Variants in PLXNA4 observed in about 807,000 individuals in gnomAD.
The protein encoded by PLXNA4 is plexin-A4.
A neutral mutation model predicts 191.8 loss-of-function variants in PLXNA4; 44 were observed. The ratio of observed to expected loss-of-function variants is 0.23; its 90% CI spans 0.18 to 0.29. The LOEUF is 0.29. PLXNA4 is among the 10% of genes least tolerant of loss of function. The pLI is 1.00. For synonymous variants in PLXNA4, 1,082 were observed against 1,009.5 expected (o/e 1.07, Z -1.36); for missense variants, 1,800 against 2,488.8 (o/e 0.72, Z 5.89).
intron 2 of PLXNA4, among the ~76,000 whole-genome samples, chr7:132,639,645 G>A (rs1214236693): frequency 2.6e-5 from 4 of 152,160 alleles, no homozygotes; most frequent in Admixed American, 6.5e-5. Flanking sequence ...GTTCCCCAGC[G>A]TGGGTGGAAC....
At chr7:132,367,676 A>G (rs1030654625) in intron 3 of PLXNA4, 1 of 152,296 alleles carries the variant, frequency 6.6e-6, no homozygotes, top group Non-Finnish European at 1.5e-5. Context: ...GTCCAGAGGA[A>G]GGACACATCG....
intron 4 of PLXNA4, among the ~76,000 whole-genome samples, chr7:132,275,909 A>G (rs1584934109): frequency 1.3e-5 from 2 of 152,038 alleles, no homozygotes; most frequent in African/African-American, 4.8e-5. Flanking sequence ...AGTCTTTTCC[A>G]TTGCTGTTCC....
In PLXNA4 at chr7:132,165,185, A is replaced by G; in HGVS notation, c.4302T>C (p.Ala1434=). 1 of 1,613,510 alleles carries G rather than the reference A, an allele frequency of 6.2e-7. No homozygotes were observed. The highest frequency in any genetic ancestry group is 2.2e-5 in the East Asian group (1 of 44,864). ...KLLLRRTESV[A]EKMLTNWFTF... ...TAAACCAATTGGTCAGCATCTTCTCAGCCACTGACTCAGTCCTGTCAGCAG... is the reference window on the plus strand; with the variant it reads ...TAAACCAATTGGTCAGCATCTTCTCGGCCACTGACTCAGTCCTGTCAGCAG... The change falls in exon 23 of 32, where the codon GCT becomes GCC. Residue 1434 remains alanine, a synonymous_variant. Coordinates refer to ENST00000321063, the MANE Select transcript of PLXNA4 (RefSeq NM_020911.2).
chr7:132,162,133 C>T (rs7809249), intron 24 of PLXNA4, among the ~76,000 whole-genome samples: 5,197 of 152,324 alleles, frequency 0.034, 283 homozygotes, highest in African/African-American at 0.12. Flanking sequence ...CAGCCACCGC[C>T]GAGTTCCAGG....
intron 2 of PLXNA4, among the ~76,000 whole-genome samples, chr7:132,623,993 A>C (rs1803322864): frequency 6.6e-6 from 1 of 152,260 alleles, no homozygotes; most frequent in African/African-American, 2.4e-5. Flanking sequence ...TGCCATCACT[A>C]ATAGTCACAG....
At chr7:132,305,007 T>G (rs1358226085) in intron 3 of PLXNA4, among the ~76,000 whole-genome samples, 1 of 152,158 alleles carries the variant, frequency 6.6e-6, no homozygotes, top group Non-Finnish European at 1.5e-5. Flanking sequence ...CTTCCCACAC[T>G]CTGGGCAAAC....
At chr7:132,285,759 G>A (rs1357893182) in intron 4 of PLXNA4, among the ~76,000 whole-genome samples, 3 of 152,152 alleles carry the variant, frequency 2.0e-5, no homozygotes, top group Non-Finnish European at 2.9e-5. Flanking sequence ...AACATTTCTG[G>A]TCTGTTTTCC....
intron 2 of PLXNA4, among the ~76,000 whole-genome samples, chr7:132,618,497 A>G (rs1226986152): frequency 6.6e-6 from 1 of 152,220 alleles, no homozygotes; most frequent in African/African-American, 2.4e-5. Flanking sequence ...TGATTATGTG[A>G]AAAGATAATT....
chr7:132,397,782 T>C (rs1438097017), intron 3 of PLXNA4, among the ~76,000 whole-genome samples: 1 of 152,250 alleles, frequency 6.6e-6, no homozygotes, highest in African/African-American at 2.4e-5. Context: ...TGTTTTAATA[T>C]GTATTTCAGG....
In PLXNA4 at chr7:132,485,026, A is replaced by G. The variant is rs942487959; in HGVS notation, c.1371+4266T>C. 6 of 1,609,114 alleles carry G rather than the reference A, an allele frequency of 3.7e-6. No individual in the cohort carries two copies. The Admixed American group carries it at 6.8e-5, about 18-fold the overall frequency. ...CTGTGCCGAAGGACTAGGGAACAAA[A>G]GCAAATTAATTTTAAAACAGGCTTG... On this transcript the variant is annotated intron_variant, in intron 3 of 31. Transcript: ENST00000321063.
rs1486871141 is a variant in PLXNA4 at position 132,241,163 on chromosome 7, T to C, written c.1507A>G (p.Thr503Ala). ...QLYIMSERQLTRVPVESCGQY... is the reference protein window; with the variant it reads ...QLYIMSERQLARVPVESCGQY... ...CCACAGGACTCCACAGGGACTCTGG[T>C]GAGCTAGGACAGCAGGATAGGGAGA... The change falls in exon 5 of 32, where the codon ACC (threonine) becomes GCC (alanine). Residue 503 changes from threonine to alanine, a missense_variant. Physicochemically the swap from Thr to Ala is moderately conservative, Grantham distance 58. This residue lies in a region of PLXNA4 where 1,397 missense variants were observed against 1,880.4 expected (regional missense o/e 0.74). Coordinates refer to ENST00000321063, the MANE Select transcript of PLXNA4 (RefSeq NM_020911.2). The C allele has an allele frequency of 1.2e-6, 2 of 1,611,278 alleles. No individual in the cohort carries two copies. Among genetic ancestry groups the C allele is most frequent in the South Asian group, 1.1e-5 (1 of 90,582 alleles).
At chr7:132,579,428 TGTGTGTGTGC>T (rs1802358841), upstream of PLXNA4, among the ~76,000 whole-genome samples, 1 of 150,830 alleles carries the variant, frequency 6.6e-6, no homozygotes, top group Non-Finnish European at 1.5e-5. Context: ...GTTGTATTTG[TGTGTGTGTGC>T]GTGTGTGTGT....
At chr7:132,362,837 A>C (rs148310064) in intron 3 of PLXNA4, among the ~76,000 whole-genome samples, 7 of 152,324 alleles carry the variant, frequency 4.6e-5, no homozygotes, top group African/African-American at 1.7e-4. Flanking sequence ...TAATTTGTGA[A>C]ATATGCATGC....
chr7:132,355,990 A>G (rs968077944), intron 3 of PLXNA4, among the ~76,000 whole-genome samples: 2 of 152,120 alleles, frequency 1.3e-5, no homozygotes, highest in African/African-American at 4.8e-5. Context: ...GGGAAGAGCG[A>G]GGAGGGGGTT....
chr7:132,541,267 C>G (rs530153550), intron 1 of PLXNA4, among the ~76,000 whole-genome samples: 1 of 152,334 alleles, frequency 6.6e-6, no homozygotes, highest in East Asian at 1.9e-4. Flanking sequence ...CAGCTTCCCC[C>G]TCCCCATAAG....
intron 20 of PLXNA4, among the ~76,000 whole-genome samples, chr7:132,177,009 G>T (rs959255666): frequency 1.3e-4 from 19 of 151,918 alleles, no homozygotes; most frequent in Non-Finnish European, 2.7e-4. Context: ...GCATGTGTAT[G>T]CATGTGCAAG....
chr7:132,441,544 G>A (rs1377813434), intron 3 of PLXNA4, among the ~76,000 whole-genome samples: 1 of 152,210 alleles, frequency 6.6e-6, no homozygotes, highest in Non-Finnish European at 1.5e-5. Flanking sequence ...ACAGGACATT[G>A]CCCACAGATC....
intron 14 of PLXNA4, among the ~76,000 whole-genome samples, chr7:132,189,317 T>C (rs1028255381): frequency 3.9e-5 from 6 of 152,040 alleles, no homozygotes; most frequent in Non-Finnish European, 7.4e-5. Flanking sequence ...CCATGCTTCA[T>C]AAATATTTCA....
intron 1 of PLXNA4, among the ~76,000 whole-genome samples, chr7:132,563,087 CCT>C (rs1801377848): frequency 1.2e-5 from 1 of 85,118 alleles, no homozygotes. Context: ...TTCTCCTCCT[CCT>C]CTTCTTCCTC....
Sources: gnomAD v4.1 joint callset for allele counts (sites outside exome capture counted in the v4.1 genomes callset) on GRCh38, gnomAD v4.1.1 for gene constraint, gnomAD v4.1.1 regional missense constraint, MANE v1.5 for transcripts, NCBI Gene and HGNC (gene_info 2026-07-23, HGNC 2026-07-21) for gene names.